PDE10A: variants seen among roughly 807,000 people sequenced by gnomAD.
The protein encoded by PDE10A is cAMP and cAMP-inhibited cGMP 3',5'-cyclic phosphodiesterase 10A.
A neutral mutation model predicts 97.7 loss-of-function variants in PDE10A; 39 were observed. The observed-to-expected ratio is 0.40, with a 90% CI of 0.31 to 0.52. PDE10A has a LOEUF of 0.52. Ranked by LOEUF, PDE10A falls within the 20% of genes least tolerant of loss-of-function variation. The pLI is 0.56. For missense variants in PDE10A, 731 were observed against 1,047.8 expected (o/e 0.70, Z 4.17); for synonymous variants, 371 against 376.8 (o/e 0.98, Z 0.18).
chr6:165,490,693 G>T (rs1287795701), intron 2 of PDE10A, among the ~76,000 whole-genome samples: 1 of 152,176 alleles, frequency 6.6e-6, no homozygotes, highest in Non-Finnish European at 1.5e-5. Flanking sequence ...AAGGCTGGAC[G>T]TGGTGGTTCA....
intron 1 of PDE10A, among the ~76,000 whole-genome samples, chr6:165,765,616 C>A (rs974819375): frequency 3.9e-5 from 6 of 152,212 alleles, no homozygotes; most frequent in African/African-American, 7.2e-5. Flanking sequence ...CCTGGAACTC[C>A]AGCTGGCCCG....
intron 1 of PDE10A, among the ~76,000 whole-genome samples, chr6:165,923,543 A>G (rs1782820319): frequency 6.6e-6 from 1 of 152,238 alleles, no homozygotes; most frequent in South Asian, 2.1e-4. Flanking sequence ...GTTCTGTGGC[A>G]GCCAGAGAAG....
chr6:165,839,179 C>T (rs1780146435), intron 1 of PDE10A, among the ~76,000 whole-genome samples: 1 of 152,214 alleles, frequency 6.6e-6, no homozygotes, highest in South Asian at 2.1e-4. Flanking sequence ...CACCCACCTT[C>T]CTCACAAGGG....
intron 1 of PDE10A, among the ~76,000 whole-genome samples, chr6:165,635,504 C>T (rs1788832417): frequency 2.0e-5 from 3 of 152,114 alleles, no homozygotes; most frequent in East Asian, 1.9e-4. Context: ...TGTGCATGCA[C>T]GCGTGCACGA....
At chr6:165,628,415 G>C (rs566201072) in intron 1 of PDE10A, among the ~76,000 whole-genome samples, 101 of 152,038 alleles carry the variant, frequency 6.6e-4, no homozygotes, top group African/African-American at 2.4e-3. Context: ...GCAGTGACAC[G>C]ATCACATAGC....
rs762415158 is a variant in PDE10A, at chr6:165,430,313, C to T, written c.1575G>A (p.Leu525=). 1.5e-5 allele frequency: 24 copies of T among 1,609,212 alleles called. No homozygotes were observed. In the Admixed American group the frequency reaches 3.7e-4, roughly 25 times the overall value. ...TTGATACGTCGAGTAGGAAGTCATT[C>T]AATTCTGTCTGTTTGGCAAGGCCTC... The part of the protein sequence containing the change: ...VCRGLAKQTE[L]NDFLLDVSKT... Residue 525 remains leucine, a synonymous_variant, in exon 9 of 22, where the codon TTG becomes TTA. Transcript: ENST00000539869.
At chr6:165,861,481 G>C (rs1780902855) in intron 1 of PDE10A, among the ~76,000 whole-genome samples, 1 of 151,912 alleles carries the variant, frequency 6.6e-6, no homozygotes, top group South Asian at 2.1e-4. Flanking sequence ...CAGGAGAGGA[G>C]GGTGTGGACA....
At chr6:165,432,321 T>G (rs551528009) in intron 7 of PDE10A, among the ~76,000 whole-genome samples, 1 of 152,242 alleles carries the variant, frequency 6.6e-6, no homozygotes, top group African/African-American at 2.4e-5. Flanking sequence ...TTAAGGAAAT[T>G]CTGAAGGATG....
chr6:165,803,911 C>G (rs1389312608), intron 1 of PDE10A, among the ~76,000 whole-genome samples: 1 of 152,156 alleles, frequency 6.6e-6, no homozygotes, highest in Non-Finnish European at 1.5e-5. Context: ...CATCATCTGC[C>G]TCCCTCCCCA....
intron 1 of PDE10A, among the ~76,000 whole-genome samples, chr6:165,712,709 G>A (rs1351670565): frequency 2.2e-5 from 3 of 138,458 alleles, no homozygotes; most frequent in East Asian, 4.2e-4. Context: ...GCGCGATCTC[G>A]GCTCACTGCA....
intron 1 of PDE10A, among the ~76,000 whole-genome samples, chr6:165,559,625 AC>A (rs1320025327): frequency 6.6e-6 from 1 of 152,180 alleles, no homozygotes; most frequent in African/African-American, 2.4e-5. Context: ...TTAGAGGATA[AC>A]CTTTTGTGGT....
At chr6:165,866,431 T>C (rs1276548831) in intron 1 of PDE10A, among the ~76,000 whole-genome samples, 2 of 151,436 alleles carry the variant, frequency 1.3e-5, no homozygotes, top group African/African-American at 2.4e-5. Flanking sequence ...TTAATTCATT[T>C]CGTTAAGCAT....
At chr6:165,958,596 A>G (rs1784243545) in intron 1 of PDE10A, among the ~76,000 whole-genome samples, 1 of 148,094 alleles carries the variant, frequency 6.8e-6, no homozygotes, top group Non-Finnish European at 1.5e-5. Flanking sequence ...AAAGAGAGAA[A>G]GAAAGAGAGA....
intron 1 of PDE10A, among the ~76,000 whole-genome samples, chr6:165,732,333 G>A (rs1792458187): frequency 6.6e-6 from 1 of 152,190 alleles, no homozygotes; most frequent in Admixed American, 6.5e-5. Flanking sequence ...AGTCAGGGCT[G>A]GAAGCTGACC....
intron 1 of PDE10A, among the ~76,000 whole-genome samples, chr6:165,687,671 T>G (rs1791158656): frequency 1.3e-5 from 2 of 152,192 alleles, no homozygotes; most frequent in Admixed American, 1.3e-4. Flanking sequence ...CTACGCTGTT[T>G]TTATGCACTT....
chr6:165,965,583 C>T (rs376254356), intron 1 of PDE10A, among the ~76,000 whole-genome samples: 1 of 152,178 alleles, frequency 6.6e-6, no homozygotes, highest in Non-Finnish European at 1.5e-5. Context: ...TACTGCCATC[C>T]TTACCTTTGT....
In PDE10A at chr6:165,433,112, T is replaced by A. The variant is rs1422614822; in HGVS notation, c.1353A>T (p.Arg451Ser). 1 of 1,608,272 alleles carries A rather than the reference T, an allele frequency of 6.2e-7. No individual in the cohort carries two copies. Among genetic ancestry groups the A allele is most frequent in the Admixed American group, 1.7e-5 (1 of 58,858 alleles). Residue 451 changes from arginine to serine, a missense_variant, in exon 7 of 22, where the codon AGA becomes AGT. Transcript: ENST00000539869. ...EDILGDERFP[R>S]GTGLESGTRI... ...GAGTCCCTGATTCCAGTCCAGTACC[T>A]CTTGGAAATCGTTCATCCTGAAAAA...
At chr6:165,474,218 A>G (rs1779170788) in intron 3 of PDE10A, among the ~76,000 whole-genome samples, 1 of 152,226 alleles carries the variant, frequency 6.6e-6, no homozygotes, top group Non-Finnish European at 1.5e-5. Context: ...GTTCTTAAGC[A>G]GTATTGTAAG....
chr6:165,686,633 A>G (rs1791128503), intron 1 of PDE10A, among the ~76,000 whole-genome samples: 1 of 152,234 alleles, frequency 6.6e-6, no homozygotes. Flanking sequence ...AGTGTTTTCA[A>G]TCGAATCATG....
Sources: gnomAD v4.1 joint callset for allele counts (sites outside exome capture counted in the v4.1 genomes callset) on GRCh38, gnomAD v4.1.1 for gene constraint, MANE v1.5 for transcripts, NCBI Gene and HGNC (gene_info 2026-07-23, HGNC 2026-07-21) for gene names.